The following EBNA1BP2 variants were observed in gnomAD, a reference collection of about 807,000 sequenced individuals.
EBNA1BP2 encodes the protein probable rRNA-processing protein EBP2.
EBNA1BP2 carries 36 observed loss-of-function variants against 43.5 expected under a neutral mutation model. That is an observed-to-expected ratio of 0.83 (90% CI 0.63 to 1.09). EBNA1BP2 has a LOEUF of 1.09. Ranked by LOEUF, EBNA1BP2 falls within the 50% of genes least tolerant of loss-of-function variation. The pLI, the probability that EBNA1BP2 is intolerant of heterozygous loss-of-function variation, is 0.00. For missense variants in EBNA1BP2, 332 were observed against 379.1 expected (o/e 0.88, Z 1.03); for synonymous variants, 127 against 141.3 (o/e 0.90, Z 0.72).
chr1:43,165,872 C>T (rs1200813908), intron 7 of EBNA1BP2, among the ~76,000 whole-genome samples: 2 of 152,190 alleles, frequency 1.3e-5, no homozygotes, highest in East Asian at 1.9e-4. Context: ...CTTCTATTCT[C>T]GTGGTTAATT....
intron 4 of EBNA1BP2, among the ~76,000 whole-genome samples, chr1:43,170,326 A>G (rs1644946703): frequency 6.6e-6 from 1 of 152,190 alleles, no homozygotes; most frequent in South Asian, 2.1e-4. Context: ...CCAACTCTAA[A>G]TTGTACTATA....
chr1:43,171,315 A>C (rs1644965959), intron 3 of EBNA1BP2, 164 bp downstream of exon 3: 2 of 895,172 alleles, frequency 2.2e-6, no homozygotes, highest in Non-Finnish European at 1.6e-6. Context: ...TGGACCAAAG[A>C]GCTCTTCTCT....
intron 5 of EBNA1BP2, 62 bp downstream of exon 5, chr1:43,168,875 CCA>C (rs1553167644): frequency 6.5e-7 from 1 of 1,540,440 alleles, no homozygotes; most frequent in Non-Finnish European, 9.0e-7. Flanking sequence ...CCAAGTCAGA[CCA>C]CGGCAATCTC....
chr1:43,168,344 ATCT>A (rs1346716248), intron 5 of EBNA1BP2, among the ~76,000 whole-genome samples: 1 of 152,220 alleles, frequency 6.6e-6, no homozygotes, highest in African/African-American at 2.4e-5. Flanking sequence ...AAAATCTGTC[ATCT>A]TCTTTCTTAG....
rs777769737 is a variant in EBNA1BP2, at chr1:43,171,568, C to T, written c.234G>A (p.Pro78=). ...ERLDVTLGPV[P]EIGGSEAPAP... is the part of the protein sequence containing the mutation. Reference sequence around the variant, plus strand: ...CTGGCGCCTCAGATCCACCGATCTCCGGTACCGGACCCAGTGTCACATCGA... The same window carrying T: ...CTGGCGCCTCAGATCCACCGATCTCTGGTACCGGACCCAGTGTCACATCGA... The change falls in exon 3 of 9, where the codon CCG becomes CCA. Residue 78 remains proline (P), a synonymous_variant. Transcript: ENST00000236051. The T allele has an allele frequency of 3.1e-6, 5 of 1,614,084 alleles. No individual in the cohort carries two copies. The highest frequency in any genetic ancestry group is 4.2e-6 in the Non-Finnish European group (5 of 1,180,042).
intron 6 of EBNA1BP2, 65 bp from the exon 7 acceptor site, chr1:43,166,984 ATATGAGGC>A: frequency 6.4e-7 from 1 of 1,560,944 alleles, no homozygotes; most frequent in Non-Finnish European, 8.8e-7. Context: ...TTAAACCACC[ATATGAGGC>A]TGTTATTTGC....
In EBNA1BP2 at chr1:43,171,927, T is replaced by C; in HGVS notation, c.109A>G (p.Asn37Asp). ...FSRGLLKPGL[N>D]VVLEGPKKAV... is the part of the protein sequence containing the mutation. ...TTCTTCGGCCCCTCTAGCACGACAT[T>C]GAGGCCTGGCTTCAGAAGCCCTCGG... Residue 37 changes from asparagine (N) to aspartate (D), a missense_variant, in exon 2 of 9, where the codon AAT (asparagine) becomes GAT (aspartate). Asn to Asp is a conservative substitution (Grantham distance 23). Coordinates refer to ENST00000236051, the MANE Select transcript of EBNA1BP2 (RefSeq NM_006824.3). 6.2e-7 allele frequency: 1 copy of C among 1,614,142 alleles called. No homozygotes were observed. Among genetic ancestry groups the C allele is most frequent in the Non-Finnish European group, 8.5e-7 (1 of 1,180,010 alleles).
intron 3 of EBNA1BP2, chr1:43,171,081 G>A (rs1644961996): frequency 2.9e-6 from 2 of 678,590 alleles, no homozygotes; most frequent in Non-Finnish European, 2.2e-6. Flanking sequence ...AAAGGGGAGG[G>A]GTGTTGCTAA....
chr1:43,172,104 CG>C lies in EBNA1BP2; in HGVS notation c.14del (p.Pro5ArgfsTer28). 1 of 1,614,144 alleles carries C rather than the reference CG, an allele frequency of 6.2e-7. No individual in the cohort carries two copies. Among genetic ancestry groups the C allele is most frequent in the South Asian group, 1.1e-5 (1 of 91,090 alleles). On this transcript the variant is annotated frameshift_variant, in exon 1 of 9. Transcript: ENST00000236051. LOFTEE classifies it high-confidence loss of function. Reference protein sequence around the residue: MDTPPLSDSESESDE... With the variant: MDTPXLSDSESESDE... ...CGGATTCCGACTCCGAATCCGAGAG[CG>C]GGGGAGTGTCCATCTCGCCGCACGC...
rs756079131 is a variant in EBNA1BP2 at position 43,170,860 on chromosome 1, C to A, written c.343G>T (p.Ala115Ser). 4.4e-6 allele frequency: 7 copies of A among 1,584,416 alleles called. No individual in the cohort carries two copies. The highest frequency in any genetic ancestry group is 1.2e-5 in the South Asian group (1 of 85,464). The change falls in exon 4 of 9, where the codon GCA becomes TCA. Residue 115 changes from alanine (A) to serine (S), a missense_variant. By Grantham distance (99) the Ala-to-Ser change is moderately conservative (BLOSUM62 1). This residue lies in a region of EBNA1BP2 where 182 missense variants were observed against 173.7 expected (regional missense o/e 1.05). Coordinates refer to ENST00000236051, the MANE Select transcript of EBNA1BP2 (RefSeq NM_006824.3). ...EMSFYRQAQA[A>S]VLAVLPRLHQ... ...AGGCGGGGTAAGACTGCAAGCACTG[C>A]GGCCTGGGCTTGGCGATAGCTGAGA...
chr1:43,164,364 A>G lies in EBNA1BP2; in HGVS notation c.*79T>C. The G allele has an allele frequency of 6.4e-7, 1 of 1,555,166 alleles. No individual in the cohort carries two copies. The highest frequency in any genetic ancestry group is 8.9e-7 in the Non-Finnish European group (1 of 1,127,112). The stretch of plus-strand genomic sequence containing the variant: ...AAAGAAATGTTTACAACATGACACC[A>G]ACAGAAGGGATCAAAGTGTGTCGTG... On this transcript the variant is annotated 3_prime_UTR_variant, in exon 9 of 9. Coordinates refer to ENST00000236051, the MANE Select transcript of EBNA1BP2 (RefSeq NM_006824.3).
Position 43,170,870 on chromosome 1 carries a change from T to A in EBNA1BP2, c.333A>T (p.Gln111His), listed in dbSNP as rs1392533807. Residue 111 changes from glutamine (Q) to histidine (H), a missense_variant, in exon 4 of 9, where the codon CAA (glutamine) becomes CAT (histidine). Physicochemically the swap from Gln to His is conservative, Grantham distance 24. This residue lies in a region of EBNA1BP2 where 182 missense variants were observed against 173.7 expected (regional missense o/e 1.05). Transcript: ENST00000236051. ...AGACTGCAAGCACTGCGGCCTGGGC[T>A]TGGCGATAGCTGAGAATCGTAGGAC... ...DFQREMSFYR[Q>H]AQAAVLAVLP... 6.3e-7 allele frequency: 1 copy of A among 1,577,022 alleles called. No homozygotes were observed. Among genetic ancestry groups the A allele is most frequent in the Non-Finnish European group, 8.6e-7 (1 of 1,166,644 alleles).
chr1:43,171,732 C>G lies in EBNA1BP2; in HGVS notation c.151-81G>C, dbSNP rs114973199. The stretch of plus-strand genomic sequence containing the variant: ...AAGCACAGGCTGTTAGGCGAAGGGA[C>G]AAAGTGCTAATCCCCAATACCCAGA... On this transcript the variant is annotated intron_variant, in intron 2 of 8. Transcript: ENST00000236051. The G allele has an allele frequency of 2.5e-3, 3,987 of 1,577,652 alleles. 23 individuals carry two copies. Among genetic ancestry groups the G allele is most frequent in the South Asian group, 9.1e-3 (776 of 85,704 alleles).
At chr1:43,172,305 A>G (rs1196883335), upstream of EBNA1BP2, 14 of 1,551,558 alleles carry the variant, frequency 9.0e-6, no homozygotes, top group Admixed American at 3.9e-5. Flanking sequence ...TTTGATTGGG[A>G]CTTCCGCTTC....
intron 7 of EBNA1BP2, 52 bp from the exon 8 acceptor site, chr1:43,164,857 C>G: frequency 6.3e-7 from 1 of 1,595,862 alleles, no homozygotes; most frequent in Non-Finnish European, 8.5e-7. Context: ...GCCTGATGAA[C>G]CTGATGGCCC....
Position 43,171,592 on chromosome 1 carries a change from G to A in EBNA1BP2, c.210C>T (p.Leu70=). Residue 70 remains leucine, a synonymous_variant, in exon 3 of 9, where the codon CTC becomes CTT. Transcript: ENST00000236051. ...CCGGTACCGGACCCAGTGTCACATC[G>A]AGCCTTTCAACCCATTCCAGATCCC... ...FKRDLEWVER[L]DVTLGPVPEI... is the part of the protein sequence containing the mutation. 6.2e-7 allele frequency: 1 copy of A among 1,614,040 alleles called. No individual in the cohort carries two copies. The highest frequency in any genetic ancestry group is 8.5e-7 in the Non-Finnish European group (1 of 1,180,022).
upstream of EBNA1BP2, chr1:43,172,355 A>C: frequency 1.9e-6 from 3 of 1,551,528 alleles, no homozygotes; most frequent in Non-Finnish European, 2.6e-6. Flanking sequence ...TTGCTATAGG[A>C]ACCGCTACGG....
In EBNA1BP2 at chr1:43,168,969, T is replaced by C. The variant is rs1405244534; in HGVS notation, c.507A>G (p.Gln169=). 18 of 1,614,068 alleles carry C rather than the reference T, an allele frequency of 1.1e-5. No homozygotes were observed. Among genetic ancestry groups the C allele is most frequent in the Non-Finnish European group, 1.5e-5 (18 of 1,180,026 alleles). The change falls in exon 5 of 9, where the codon CAA becomes CAG. Residue 169 remains glutamine (Q), a synonymous_variant. Coordinates refer to ENST00000236051, the MANE Select transcript of EBNA1BP2 (RefSeq NM_006824.3). ...TCCCGTATTTCCTAAGTGCTCGCAG[T>C]TGCTTAGCTTTTTCAGACCTCTCCA... is the stretch of plus-strand genomic sequence containing the variant. The part of the protein sequence containing the change: ...AAMERSEKAK[Q]LRALRKYGKK...
At chr1:43,170,118 T>C (rs536351706) in intron 4 of EBNA1BP2, among the ~76,000 whole-genome samples, 53 of 152,350 alleles carry the variant, frequency 3.5e-4, no homozygotes, top group African/African-American at 1.2e-3. Flanking sequence ...CTCATTCTCA[T>C]GGATTCAATG....
Sources: gnomAD v4.1 joint callset for allele counts (sites outside exome capture counted in the v4.1 genomes callset) on GRCh38, gnomAD v4.1.1 for gene constraint, gnomAD v4.1.1 regional missense constraint, MANE v1.5 for transcripts, NCBI Gene and HGNC (gene_info 2026-07-23, HGNC 2026-07-21) for gene names.